The following ARID1B variants were observed in gnomAD, a reference collection of about 807,000 sequenced individuals.
ARID1B encodes the protein AT-rich interaction domain 1B, also known as AT-rich interactive domain-containing protein 1B.
A neutral mutation model predicts 212.3 loss-of-function variants in ARID1B; 30 were observed. The ratio of observed to expected loss-of-function variants is 0.14; its 90% CI spans 0.11 to 0.19. ARID1B has a LOEUF of 0.19. Among genes scored for constraint, ARID1B ranks in the 10% least tolerant of loss-of-function variants. The pLI is 1.00. For synonymous variants in ARID1B, 1,402 were observed against 1,301.7 expected, an observed-to-expected ratio of 1.08 and a Z score of -1.66; for missense variants, 2,891 against 3,204.0, an observed-to-expected ratio of 0.90 and a Z score of 2.36.
rs559606901 is a variant in ARID1B, at chr6:157,108,001, G to A, written c.2492-2471G>A. ...TTTCTGAGTCATCATCTGCTGTGAC[G>A]ATGTTTAAACTATGCCTGTGGAAGA... is the stretch of plus-strand genomic sequence containing the variant. On this transcript the variant is annotated intron_variant, in intron 5 of 19. Transcript: ENST00000636930. 4 of 152,290 alleles carry A rather than the reference G, an allele frequency of 2.6e-5. No homozygotes were observed. In the East Asian group the frequency reaches 5.8e-4, roughly 22 times the overall value. The allele number at this position is 152,290 out of a possible 1,614,324, so 9.4% of individuals were successfully genotyped here.
chr6:156,969,097 A>G (rs948415358), intron 4 of ARID1B, among the ~76,000 whole-genome samples: 3 of 152,336 alleles, frequency 2.0e-5, no homozygotes, highest in Non-Finnish European at 2.9e-5. Flanking sequence ...TCAATTTACT[A>G]TATTTCTGGC....
chr6:156,987,334 G>GTTT (rs539734937), intron 4 of ARID1B, among the ~76,000 whole-genome samples: 3 of 145,148 alleles, frequency 2.1e-5, no homozygotes, highest in Non-Finnish European at 4.6e-5. Context: ...ACCAGTGCTA[G>GTTT]TTTTTTTTTT....
chr6:156,967,728 T>C (rs1256089380), intron 4 of ARID1B, among the ~76,000 whole-genome samples: 1 of 152,256 alleles, frequency 6.6e-6, no homozygotes, highest in African/African-American at 2.4e-5. Context: ...TTTAAAGTTA[T>C]TTGATCTTAT....
At chr6:157,071,278 T>A (rs1021649335) in intron 4 of ARID1B, 1 of 152,142 alleles carries the variant, frequency 6.6e-6, no homozygotes, top group Non-Finnish European at 1.5e-5. Context: ...CATCACACTC[T>A]GCAGACTGAT....
intron 2 of ARID1B, among the ~76,000 whole-genome samples, chr6:156,840,972 C>T (rs1332919464): frequency 6.6e-6 from 1 of 152,132 alleles, no homozygotes; most frequent in African/African-American, 2.4e-5. Flanking sequence ...GGTTCTTCAT[C>T]CCAACACCAG....
intron 4 of ARID1B, among the ~76,000 whole-genome samples, chr6:157,082,923 G>A (rs1243982635): frequency 2.0e-5 from 3 of 152,248 alleles, no homozygotes; most frequent in East Asian, 3.9e-4. Context: ...GGTTCTGTCA[G>A]GTATACTTTA....
At chr6:157,144,522 T>C (rs1024018696) in intron 7 of ARID1B, among the ~76,000 whole-genome samples, 1 of 152,214 alleles carries the variant, frequency 6.6e-6, no homozygotes, top group Admixed American at 6.5e-5. Flanking sequence ...TTATTTTTAA[T>C]AAAAGCAAGA....
At chr6:156,893,051 T>TGTTTTTG (rs201418007) in intron 2 of ARID1B, among the ~76,000 whole-genome samples, 2 of 138,396 alleles carry the variant, frequency 1.4e-5, no homozygotes, top group Non-Finnish European at 3.1e-5. Context: ...CTTCCTTTTT[T>TGTTTTTG]TTTTTTTTTG....
At chr6:157,045,328 T>TA (rs1386183189) in intron 4 of ARID1B, among the ~76,000 whole-genome samples, 1 of 152,246 alleles carries the variant, frequency 6.6e-6, no homozygotes, top group African/African-American at 2.4e-5. Context: ...TTCTACCCAA[T>TA]AAAATAGTTA....
intron 3 of ARID1B, among the ~76,000 whole-genome samples, chr6:156,916,860 C>T (rs1413704425): frequency 2.6e-5 from 4 of 152,172 alleles, no homozygotes; most frequent in Admixed American, 1.3e-4. Context: ...CTTCACCCAT[C>T]GTCTCCTGGC....
rs570371416 is a variant in ARID1B at position 156,789,702 on chromosome 6, C to G, written c.1791+10231C>G. Among the ~76,000 whole-genome samples the G allele has an allele frequency of 3.9e-5, 6 of 152,288 alleles. No homozygotes were observed. In the South Asian group the frequency reaches 1.2e-3, roughly 32 times the overall value. The stretch of plus-strand genomic sequence containing the variant: ...AGAGGCATGGGGCTTGGGGCAAGGG[C>G]TAGAGCCAAAAGCTGGCAGGTTAGA... On this transcript the variant is annotated intron_variant, in intron 1 of 19. Coordinates refer to ENST00000636930, the MANE Select transcript of ARID1B (RefSeq NM_001374828.1).
chr6:156,930,949 G>C (rs1791645328), intron 3 of ARID1B, among the ~76,000 whole-genome samples: 1 of 152,138 alleles, frequency 6.6e-6, no homozygotes, highest in Non-Finnish European at 1.5e-5. Context: ...CCAGCACTTT[G>C]GGAGGCCAAG....
Position 157,207,372 on chromosome 6 carries a change from G to C in ARID1B, c.6600G>C (p.Ser2200=), listed in dbSNP as rs3812233. ...CTGTGGGACCCAACTCGGTCCTGTC[G>C]CCTCAGAGACTTGTGCTGGAGACCC... The part of the protein sequence containing the change: ...FPTVGPNSVL[S]PQRLVLETLC... Residue 2200 remains serine, a synonymous_variant, in exon 20 of 20, where the codon TCG becomes TCC. Transcript: ENST00000636930. This position sits in a 1 kb window ranked among gnomAD's most constrained non-coding sequence, Gnocchi z 8.5. 2.0e-5 allele frequency: 33 copies of C among 1,614,050 alleles called. No individual in the cohort carries two copies. Among genetic ancestry groups the C allele is most frequent in the Admixed American group, 3.3e-5 (2 of 59,994 alleles).
At chr6:156,854,217 A>G (rs542191197) in intron 2 of ARID1B, among the ~76,000 whole-genome samples, 1 of 152,308 alleles carries the variant, frequency 6.6e-6, no homozygotes, top group African/African-American at 2.4e-5. Flanking sequence ...GCTAGCTACT[A>G]GTACCTGTTC....
chr6:157,161,460 C>T (rs917557562), intron 8 of ARID1B, among the ~76,000 whole-genome samples: 3 of 140,996 alleles, frequency 2.1e-5, no homozygotes, highest in African/African-American at 5.5e-5. Context: ...TATATTTTGG[C>T]GGGGGGGCAC....
chr6:157,138,235 GGTTGGTTA>G (rs1347924224), intron 7 of ARID1B, among the ~76,000 whole-genome samples: 2 of 151,748 alleles, frequency 1.3e-5, no homozygotes, highest in Admixed American at 6.6e-5. Context: ...TTGGTTGGTT[GGTTGGTTA>G]GTTGGTTGTT....
rs202241462 is a variant in ARID1B at position 157,197,721 on chromosome 6, T to TG, written c.4383-1082dup. Reference sequence around the variant, plus strand: ...CCAGGAAAAGCTACAGATGTTTTTTTGGGGGGGGTAGCTGGCAAGATTAGA... The same window carrying TG: ...CCAGGAAAAGCTACAGATGTTTTTTTGGGGGGGGGTAGCTGGCAAGATTAGA... On this transcript the variant is annotated intron_variant, in intron 16 of 19. Coordinates refer to ENST00000636930, the MANE Select transcript of ARID1B (RefSeq NM_001374828.1). 7.1e-4 allele frequency among the ~76,000 whole-genome samples: 108 copies of TG among 151,922 alleles called. No homozygotes were observed. In the South Asian group the frequency reaches 0.014, roughly 20 times the overall value.
chr6:157,145,795 TTTG>T (rs956244606), intron 7 of ARID1B, among the ~76,000 whole-genome samples: 3 of 152,132 alleles, frequency 2.0e-5, no homozygotes, highest in Admixed American at 2.0e-4. Flanking sequence ...CCATGGGACA[TTTG>T]TTGTTATTCA....
At chr6:156,949,361 C>G (rs545255975) in intron 4 of ARID1B, among the ~76,000 whole-genome samples, 31 of 152,326 alleles carry the variant, frequency 2.0e-4, no homozygotes, top group Admixed American at 1.8e-3. Flanking sequence ...GATACTCCAC[C>G]TAGAGTACTT....
Sources: allele counts gnomAD v4.1 joint callset (sites outside exome capture counted in the v4.1 genomes callset), GRCh38; gene constraint gnomAD v4.1.1; non-coding constraint Gnocchi (gnomAD v3.1); transcripts MANE v1.5; gene names NCBI Gene and HGNC (gene_info 2026-07-23, HGNC 2026-07-21).